Variants in RGS3 observed in about 807,000 individuals in gnomAD.
The protein encoded by RGS3 is regulator of G protein signaling 3, also known as regulator of G-protein signalling 3.
A neutral mutation model predicts 132.6 loss-of-function variants in RGS3; 80 were observed. The observed-to-expected ratio is 0.60, with a 90% CI of 0.50 to 0.73. The LOEUF (loss-of-function observed/expected upper bound fraction) is 0.73. RGS3 is among the 30% of genes least tolerant of loss of function. The pLI, the probability that RGS3 is intolerant of heterozygous loss-of-function variation, is 0.00. For missense variants in RGS3, 1,382 were observed against 1,530.8 expected (o/e 0.90, Z 1.62); for synonymous variants, 598 against 620.6 (o/e 0.96, Z 0.54).
intron 19 of RGS3, among the ~76,000 whole-genome samples, chr9:113,559,610 G>A (rs1358532296): frequency 6.6e-6 from 1 of 152,210 alleles, no homozygotes; most frequent in African/African-American, 2.4e-5. Flanking sequence ...ATAGCAAGGG[G>A]GAGACATTTG....
rs1378818586 is a variant in RGS3, at chr9:113,596,852, C to T, written c.3496C>T (p.Arg1166Cys). ...GGGCTGCTTCGACCTGGCACAGAAG[C>T]GCATCTTCGGGCTCATGGAAAAGGA... is the stretch of plus-strand genomic sequence containing the variant. The change falls in exon 25 of 25, where the codon CGC becomes TGC. Residue 1166 changes from arginine to cysteine, a missense_variant. By Grantham distance (180) the Arg-to-Cys change is radical. Transcript: ENST00000350696. 2.5e-6 allele frequency: 4 copies of T among 1,613,852 alleles called. No individual in the cohort carries two copies. In the South Asian group the frequency reaches 3.3e-5, roughly 13 times the overall value.
chr9:113,569,128 G>C (rs936333476), intron 19 of RGS3, among the ~76,000 whole-genome samples: 1 of 152,220 alleles, frequency 6.6e-6, no homozygotes, highest in African/African-American at 2.4e-5. Context: ...GCTGCTGCCG[G>C]AGAACTGTCA....
intron 19 of RGS3, among the ~76,000 whole-genome samples, chr9:113,563,441 T>C (rs1168357928): frequency 6.6e-6 from 1 of 152,178 alleles, no homozygotes; most frequent in African/African-American, 2.4e-5. Flanking sequence ...AGGAATCCTA[T>C]ATTCAGGCTC....
At chr9:113,501,407 G>A in intron 10 of RGS3, 2 of 1,444,780 alleles carry the variant, frequency 1.4e-6, no homozygotes, top group East Asian at 2.5e-5. Flanking sequence ...TCGTGCAGAG[G>A]CACACAGCAC....
intron 7 of RGS3, among the ~76,000 whole-genome samples, chr9:113,489,794 T>C (rs1195643827): frequency 6.6e-6 from 1 of 151,854 alleles, no homozygotes; most frequent in Non-Finnish European, 1.5e-5. Flanking sequence ...CCTCCTAAAG[T>C]GCTAGGATTA....
intron 18 of RGS3, among the ~76,000 whole-genome samples, chr9:113,533,123 C>T (rs1832541666): frequency 6.6e-6 from 1 of 152,188 alleles, no homozygotes; most frequent in South Asian, 2.1e-4. Flanking sequence ...TCCTTAGCTG[C>T]TCTGAACCTT....
Position 113,446,446 on chromosome 9 carries a change from C to A in RGS3, c.-13+1519C>A, listed in dbSNP as rs575774887. 3.9e-5 allele frequency among the ~76,000 whole-genome samples: 6 copies of A among 152,320 alleles called. No individual in the cohort carries two copies. In the South Asian group the frequency reaches 1.2e-3, roughly 32 times the overall value. ...CTGGAACCACTAGGTGGTGATATTA[C>A]ATTATGAAAATGACATGCTTTCCTT... On this transcript the variant is annotated intron_variant, in intron 1 of 25. Transcript: ENST00000374140.
At chr9:113,544,095 C>T (rs1032931978) in intron 19 of RGS3, among the ~76,000 whole-genome samples, 5 of 152,202 alleles carry the variant, frequency 3.3e-5, no homozygotes, top group Non-Finnish European at 5.9e-5. Flanking sequence ...TGCCGAGCCC[C>T]TCCCTGCTAC....
At chr9:113,583,913 T>C in exon 20 of RGS3, 3 of 1,614,070 alleles carry the variant, frequency 1.9e-6, no homozygotes, top group Non-Finnish European at 1.7e-6. Context: ...GAGGACACCA[T>C]GAGCTCCGGG....
chr9:113,550,145 C>T (rs1833280500), intron 19 of RGS3, among the ~76,000 whole-genome samples: 2 of 152,222 alleles, frequency 1.3e-5, no homozygotes. Flanking sequence ...GGGTGGATCG[C>T]TGAGGTCAGG....
chr9:113,492,606 G>C (rs567617212), intron 7 of RGS3, among the ~76,000 whole-genome samples: 1 of 152,208 alleles, frequency 6.6e-6, no homozygotes, highest in Non-Finnish European at 1.5e-5. Flanking sequence ...CTGGTAGTCA[G>C]AATTAACCAA....
chr9:113,566,210 C>T (rs947201024), intron 19 of RGS3, among the ~76,000 whole-genome samples: 4 of 152,096 alleles, frequency 2.6e-5, no homozygotes, highest in Non-Finnish European at 4.4e-5. Context: ...AGCGGGTTGC[C>T]TTTGGTCCCT....
Position 113,507,603 on chromosome 9 carries a change from T to C in RGS3, c.1402T>C (p.Tyr468His). 6.7e-7 allele frequency: 1 copy of C among 1,499,162 alleles called. No homozygotes were observed. Among genetic ancestry groups the C allele is most frequent in the Non-Finnish European group, 8.9e-7 (1 of 1,120,588 alleles). 92.9% of individuals were successfully genotyped at this position (1,499,162 alleles called of 1,614,324 possible). Residue 468 changes from tyrosine (Y) to histidine (H), a missense_variant, in exon 13 of 25, where the codon TAC becomes CAC. Tyr to His is a moderately conservative substitution (Grantham distance 83). Transcript: ENST00000350696. The surrounding 1 kb of genome is among the most constrained non-coding windows in gnomAD (Gnocchi z 5.0). ...TGCCACTGCCCCCACCGACCCCAAC[T>C]ACATCATCCTGGCCCCGCTGAATCC... is the stretch of plus-strand genomic sequence containing the variant.
At chr9:113,581,114 A>G (rs1834784569) in intron 19 of RGS3, 2 of 415,568 alleles carry the variant, frequency 4.8e-6, no homozygotes, top group South Asian at 2.0e-4. Context: ...GTTTCTCCTG[A>G]TGGAGAATGC....
exon 20 of RGS3, chr9:113,584,284 T>G: frequency 6.2e-7 from 1 of 1,611,324 alleles, no homozygotes; most frequent in Non-Finnish European, 8.5e-7. Flanking sequence ...CTGCTTTGCC[T>G]CCGACACCAC....
intron 10 of RGS3, among the ~76,000 whole-genome samples, 157 bp downstream of exon 8, chr9:113,498,237 T>C (rs1830749616): frequency 6.6e-6 from 1 of 152,282 alleles, no homozygotes; most frequent in Non-Finnish European, 1.5e-5. Flanking sequence ...CTGAGGTGTA[T>C]TACAGGAAAT....
At chr9:113,577,585 A>G (rs1834590504) in intron 19 of RGS3, among the ~76,000 whole-genome samples, 2 of 152,112 alleles carry the variant, frequency 1.3e-5, no homozygotes, top group South Asian at 4.1e-4. Flanking sequence ...AGTTGGGGGT[A>G]CTGATGGGAT....
chr9:113,522,366 C>T (rs1318325593), intron 16 of RGS3: 1 of 152,342 alleles, frequency 6.6e-6, no homozygotes, highest in Non-Finnish European at 1.5e-5. Flanking sequence ...AGGGACTCTT[C>T]TCCCTGTTTG....
intron 19 of RGS3, among the ~76,000 whole-genome samples, chr9:113,567,567 C>T (rs1249095383): frequency 6.6e-6 from 1 of 152,178 alleles, no homozygotes; most frequent in African/African-American, 2.4e-5. Flanking sequence ...GGCCTAGGCT[C>T]TGAATGTCAA....
Sources: gnomAD v4.1 joint callset for allele counts (sites outside exome capture counted in the v4.1 genomes callset) on GRCh38, gnomAD v4.1.1 for gene constraint, Gnocchi (gnomAD v3.1) non-coding constraint, MANE v1.5 for transcripts, NCBI Gene and HGNC (gene_info 2026-07-23, HGNC 2026-07-21) for gene names.